The following ARHGAP10 variants were observed in gnomAD, a reference collection of about 807,000 sequenced individuals.
The protein encoded by ARHGAP10 is Rho GTPase activating protein 10, also known as rho GTPase-activating protein 10.
A neutral mutation model predicts 108.6 loss-of-function variants in ARHGAP10; 87 were observed. The observed-to-expected ratio is 0.80, with a 90% CI of 0.67 to 0.96. ARHGAP10 has a LOEUF of 0.96. ARHGAP10 is among the 40% of genes least tolerant of loss of function. The pLI, the probability that ARHGAP10 is intolerant of heterozygous loss-of-function variation, is 0.00. For synonymous variants in ARHGAP10, 347 were observed against 341.1 expected (o/e 1.02, Z -0.19); for missense variants, 939 against 954.5 (o/e 0.98, Z 0.21).
chr4:147,826,205 T>C (rs987975710), intron 3 of ARHGAP10, among the ~76,000 whole-genome samples: 7 of 152,216 alleles, frequency 4.6e-5, no homozygotes, highest in Non-Finnish European at 1.0e-4. Context: ...TGTTTCTGTT[T>C]TAGGTTCCTA....
At chr4:147,824,525 A>G (rs1028289541) in intron 3 of ARHGAP10, among the ~76,000 whole-genome samples, 2 of 152,154 alleles carry the variant, frequency 1.3e-5, no homozygotes, top group Admixed American at 1.3e-4. Flanking sequence ...AGACTGGGTA[A>G]TTTATAAAGG....
chr4:148,070,372 A>C (rs1730113984), intron 22 of ARHGAP10, among the ~76,000 whole-genome samples: 2 of 152,304 alleles, frequency 1.3e-5, no homozygotes, highest in South Asian at 4.2e-4. Flanking sequence ...CGTTGAAGCC[A>C]GAAGCTTACT....
chr4:147,839,852 C>G (rs150197657), intron 3 of ARHGAP10, among the ~76,000 whole-genome samples: 1,868 of 152,274 alleles, frequency 0.012, 25 homozygotes, highest in Non-Finnish European at 0.015. Context: ...ATCCGAATGT[C>G]TGACGAAAAA....
chr4:147,732,288 C>T lies in ARHGAP10; in HGVS notation c.-14C>T. On this transcript the variant is annotated 5_prime_UTR_variant, in exon 1 of 23. Coordinates refer to ENST00000336498, the MANE Select transcript of ARHGAP10 (RefSeq NM_024605.4). The stretch of plus-strand genomic sequence containing the variant: ...GCGCGCGGCCGTGCGCACCGCGCAG[C>T]GACCGCTGCCGTCATGGGGCTGCAG... The T allele has an allele frequency of 2.5e-6, 4 of 1,595,416 alleles. No individual in the cohort carries two copies. The highest frequency in any genetic ancestry group is 1.4e-5 in the African/African-American group (1 of 73,414).
At chr4:147,977,795 TTCTC>T (rs376154933) in intron 18 of ARHGAP10, among the ~76,000 whole-genome samples, 2 of 151,876 alleles carry the variant, frequency 1.3e-5, no homozygotes, top group Non-Finnish European at 1.5e-5. Flanking sequence ...TTTCCACCCT[TTCTC>T]TCTCTCTCCC....
At position 147,984,353 on chromosome 4, in the gene ARHGAP10, C is replaced by A. The variant is rs1357783401; in HGVS notation, c.1716+17514C>A. On this transcript the variant is annotated intron_variant, in intron 18 of 22. Transcript: ENST00000336498. Reference sequence around the variant, plus strand: ...AGGCCCCAGCAGGAGGACGCACTGCCAAGTCCGCCACAGCACATTGAGGAG... The same window carrying A: ...AGGCCCCAGCAGGAGGACGCACTGCAAAGTCCGCCACAGCACATTGAGGAG... 2.2e-4 allele frequency among the ~76,000 whole-genome samples: 33 copies of A among 152,200 alleles called. 1 individual carries two copies. The highest frequency in any genetic ancestry group is 2.2e-3 in the Admixed American group (33 of 15,284).
chr4:147,896,305 TCAC>T (rs1409070734), intron 10 of ARHGAP10, among the ~76,000 whole-genome samples: 2 of 152,182 alleles, frequency 1.3e-5, no homozygotes, highest in Non-Finnish European at 2.9e-5. Flanking sequence ...TTGAGGTAAT[TCAC>T]CTATGAAGTC....
chr4:147,972,191 A>G (rs1348333804), intron 18 of ARHGAP10, among the ~76,000 whole-genome samples: 1 of 152,202 alleles, frequency 6.6e-6, no homozygotes, highest in African/African-American at 2.4e-5. Flanking sequence ...AGGTATAGTT[A>G]AAGACATGAG....
intron 18 of ARHGAP10, among the ~76,000 whole-genome samples, chr4:148,019,685 G>C (rs1396380974): frequency 1.3e-5 from 2 of 151,936 alleles, no homozygotes; most frequent in Non-Finnish European, 2.9e-5. Flanking sequence ...AGGAGGTGGA[G>C]GTTGCAGTTA....
chr4:147,893,454 C>G (rs1158578092), intron 10 of ARHGAP10, among the ~76,000 whole-genome samples: 2 of 146,824 alleles, frequency 1.4e-5, no homozygotes, highest in Non-Finnish European at 3.0e-5. Flanking sequence ...TTATTATTCT[C>G]TCTATATATA....
chr4:147,973,410 A>G (rs966600080), intron 18 of ARHGAP10, among the ~76,000 whole-genome samples: 3 of 152,080 alleles, frequency 2.0e-5, no homozygotes, highest in Admixed American at 6.5e-5. Flanking sequence ...TCGTGGGTAC[A>G]TAGTTGGTGT....
At chr4:147,905,477 T>A (rs1005017053) in intron 10 of ARHGAP10, among the ~76,000 whole-genome samples, 2 of 125,440 alleles carry the variant, frequency 1.6e-5, no homozygotes, top group Non-Finnish European at 3.4e-5. Flanking sequence ...CAGCACCATT[T>A]ATTAAATAGG....
chr4:147,895,365 T>A (rs1735949304), intron 10 of ARHGAP10, among the ~76,000 whole-genome samples: 1 of 151,912 alleles, frequency 6.6e-6, no homozygotes, highest in Admixed American at 6.6e-5. Flanking sequence ...CACAGTGATT[T>A]TATATGTGAC....
intron 1 of ARHGAP10, among the ~76,000 whole-genome samples, chr4:147,739,205 A>G (rs1464022156): frequency 1.3e-5 from 2 of 150,710 alleles, no homozygotes; most frequent in Non-Finnish European, 3.0e-5. Context: ...AAAAAAAAAG[A>G]AAAGAAAATA....
chr4:147,754,320 A>G (rs1311792264), intron 1 of ARHGAP10, among the ~76,000 whole-genome samples: 1 of 152,208 alleles, frequency 6.6e-6, no homozygotes, highest in Admixed American at 6.5e-5. Flanking sequence ...TTGCTATTGT[A>G]GTTCCTCTTG....
rs140222359 is a variant in ARHGAP10 at position 147,875,628 on chromosome 4, G to C, written c.832+478G>C. Among the ~76,000 whole-genome samples the C allele has an allele frequency of 5.9e-3, 900 of 152,192 alleles. 6 individuals carry two copies. The highest frequency in any genetic ancestry group is 0.01 in the Non-Finnish European group (703 of 68,002). On this transcript the variant is annotated intron_variant, in intron 8 of 22. Coordinates refer to ENST00000336498, the MANE Select transcript of ARHGAP10 (RefSeq NM_024605.4). ...TCTTAAGGTCAAGAGGGACATATTA[G>C]TATTTTTCTTCTTCCTTCATACCAT...
chr4:148,022,315 A>G (rs1741599941), intron 18 of ARHGAP10, among the ~76,000 whole-genome samples: 1 of 152,136 alleles, frequency 6.6e-6, no homozygotes, highest in Admixed American at 6.5e-5. Context: ...TGGGTTTTAT[A>G]TTCATGTTTT....
At chr4:147,960,017 C>A (rs1738934432) in intron 16 of ARHGAP10, among the ~76,000 whole-genome samples, 1 of 152,106 alleles carries the variant, frequency 6.6e-6, no homozygotes, top group South Asian at 2.1e-4. Flanking sequence ...TGTCCTTTTA[C>A]TCCTTTGGAA....
intron 1 of ARHGAP10, among the ~76,000 whole-genome samples, chr4:147,784,320 C>A (rs1299218810): frequency 7.5e-6 from 1 of 133,210 alleles, no homozygotes; most frequent in Non-Finnish European, 1.5e-5. Context: ...TTTTATATTA[C>A]ATAATTTACA....
Sources: allele counts gnomAD v4.1 joint callset (sites outside exome capture counted in the v4.1 genomes callset), GRCh38; gene constraint gnomAD v4.1.1; transcripts MANE v1.5; gene names NCBI Gene and HGNC (gene_info 2026-07-23, HGNC 2026-07-21).